The following NRXN3 variants were observed in gnomAD, a reference collection of about 807,000 sequenced individuals.
The protein encoded by NRXN3 is neurexin 3.
NRXN3 carries 32 observed loss-of-function variants against 137.6 expected under a neutral mutation model. The ratio of observed to expected loss-of-function variants is 0.23; its 90% CI spans 0.18 to 0.31. The LOEUF is 0.31. Ranked by LOEUF, NRXN3 falls within the 10% of genes least tolerant of loss-of-function variation. NRXN3 has a pLI of 1.00. For synonymous variants in NRXN3, 798 were observed against 784.5 expected, an observed-to-expected ratio of 1.02 and a Z score of -0.29; for missense variants, 1,574 against 2,062.5, an observed-to-expected ratio of 0.76 and a Z score of 4.59.
At chr14:78,777,197 C>T (rs1013733602) in intron 8 of NRXN3, among the ~76,000 whole-genome samples, 19 of 152,180 alleles carry the variant, frequency 1.2e-4, no homozygotes, top group African/African-American at 4.6e-4. Flanking sequence ...ATATCAGAGT[C>T]TCCATAGAGC....
At chr14:79,849,682 C>T (rs2099387691) in intron 20 of NRXN3, among the ~76,000 whole-genome samples, 1 of 152,122 alleles carries the variant, frequency 6.6e-6, no homozygotes, top group African/African-American at 2.4e-5. Flanking sequence ...CCAGCCATTA[C>T]AGAAAACAGT....
At chr14:79,856,395 T>C (rs2099402605) in intron 20 of NRXN3, among the ~76,000 whole-genome samples, 1 of 152,176 alleles carries the variant, frequency 6.6e-6, no homozygotes, top group Admixed American at 6.5e-5. Context: ...AAAAGAATTA[T>C]TTCCCCTTAT....
At chr14:78,949,604 A>T (rs9323668) in intron 10 of NRXN3, among the ~76,000 whole-genome samples, 9,187 of 91,708 alleles carry the variant, frequency 0.1, 366 homozygotes, top group African/African-American at 0.34. Flanking sequence ...TTTTTTTTTT[A>T]AAAAAAAACT....
At chr14:78,702,315 A>G (rs1241072033) in intron 6 of NRXN3, among the ~76,000 whole-genome samples, 2 of 150,736 alleles carry the variant, frequency 1.3e-5, no homozygotes, top group African/African-American at 4.9e-5. Flanking sequence ...ATAATATATA[A>G]CTTATAAATA....
chr14:79,569,822 T>A (rs572882686), intron 16 of NRXN3, among the ~76,000 whole-genome samples: 6 of 152,238 alleles, frequency 3.9e-5, no homozygotes, highest in East Asian at 1.9e-4. Context: ...TTGGCCAGGA[T>A]GGTCTTGAAC....
intron 8 of NRXN3, among the ~76,000 whole-genome samples, chr14:78,763,963 A>G (rs1177543875): frequency 2.0e-5 from 3 of 152,200 alleles, no homozygotes; most frequent in African/African-American, 7.2e-5. Context: ...CATTTCTGAT[A>G]GTTGACTGTG....
intron 19 of NRXN3, among the ~76,000 whole-genome samples, chr14:79,745,693 G>A (rs964676490): frequency 1.2e-4 from 19 of 152,094 alleles, no homozygotes; most frequent in African/African-American, 4.6e-4. Flanking sequence ...CAACTGAAAT[G>A]TATTATCTCA....
At chr14:79,732,003 C>T (rs1443003584) in intron 19 of NRXN3, among the ~76,000 whole-genome samples, 2 of 152,026 alleles carry the variant, frequency 1.3e-5, no homozygotes, top group Non-Finnish European at 2.9e-5. Context: ...TCCCTCACCC[C>T]TCCCAATCAG....
At chr14:78,969,814 AGTG>A (rs2099430431) in intron 14 of NRXN3, among the ~76,000 whole-genome samples, 1 of 141,410 alleles carries the variant, frequency 7.1e-6, no homozygotes, top group Non-Finnish European at 1.5e-5. Context: ...TGTACTATGT[AGTG>A]TGTGTGTGTG....
At chr14:78,548,360 G>C (rs1055500561) in intron 4 of NRXN3, among the ~76,000 whole-genome samples, 1 of 152,152 alleles carries the variant, frequency 6.6e-6, no homozygotes, top group Admixed American at 6.5e-5. Flanking sequence ...TTGAGCTATA[G>C]GTTGGATCAT....
At chr14:78,414,203 AT>A (rs34627670) in intron 4 of NRXN3, among the ~76,000 whole-genome samples, 71 of 148,392 alleles carry the variant, frequency 4.8e-4, no homozygotes, top group African/African-American at 1.2e-3. Flanking sequence ...TGGATTTGTG[AT>A]TTTTTTTTTT....
intron 20 of NRXN3, among the ~76,000 whole-genome samples, chr14:79,817,549 A>C (rs909614555): frequency 3.9e-5 from 6 of 152,194 alleles, no homozygotes; most frequent in Admixed American, 2.0e-4. Context: ...CACAGCAATC[A>C]TGTGAGAGTC....
chr14:78,810,187 T>TTA (rs2098902969), intron 9 of NRXN3, 131 bp from the exon 10 acceptor site: 2 of 627,248 alleles, frequency 3.2e-6, no homozygotes, highest in Non-Finnish European at 2.9e-6. Flanking sequence ...TGTACATACT[T>TTA]TATATATATA....
intron 4 of NRXN3, among the ~76,000 whole-genome samples, chr14:78,540,306 A>G (rs2096576310): frequency 6.6e-6 from 1 of 152,054 alleles, no homozygotes; most frequent in Admixed American, 6.6e-5. Context: ...TTGGGTGCAT[A>G]TATATTTAGG....
At chr14:78,323,662 C>T (rs1163747303) in intron 4 of NRXN3, among the ~76,000 whole-genome samples, 1 of 151,958 alleles carries the variant, frequency 6.6e-6, no homozygotes, top group Non-Finnish European at 1.5e-5. Context: ...CTGGAGGGAG[C>T]CTGTGGTCAG....
At chr14:79,597,115 ATTAGATTACCTC>A (rs1002909143) in intron 16 of NRXN3, among the ~76,000 whole-genome samples, 12 of 152,202 alleles carry the variant, frequency 7.9e-5, no homozygotes, top group Non-Finnish European at 1.0e-4. Context: ...TTGCATTAAA[ATTAGATTACCTC>A]TTAGATTAGA....
intron 16 of NRXN3, among the ~76,000 whole-genome samples, chr14:79,653,999 G>A (rs887861536): frequency 6.6e-6 from 1 of 152,188 alleles, no homozygotes; most frequent in Admixed American, 6.5e-5. Flanking sequence ...GACTCAATAA[G>A]CTGAAGTGTT....
intron 15 of NRXN3, among the ~76,000 whole-genome samples, chr14:79,028,190 C>T (rs1229112533): frequency 6.6e-6 from 1 of 152,118 alleles, no homozygotes; most frequent in Non-Finnish European, 1.5e-5. Flanking sequence ...ACCCAACTCA[C>T]TACTCTGGCC....
At chr14:79,495,490 T>C (rs1477550045) in intron 16 of NRXN3, among the ~76,000 whole-genome samples, 1 of 152,132 alleles carries the variant, frequency 6.6e-6, no homozygotes, top group Non-Finnish European at 1.5e-5. Context: ...ACATATGATA[T>C]AAAGGGCCCT....
Sources: allele counts gnomAD v4.1 joint callset (sites outside exome capture counted in the v4.1 genomes callset), GRCh38; gene constraint gnomAD v4.1.1; transcripts MANE v1.5; gene names NCBI Gene and HGNC (gene_info 2026-07-23, HGNC 2026-07-21).